The following ZKSCAN4 variants were observed in gnomAD, a reference collection of about 807,000 sequenced individuals.
ZKSCAN4 encodes the protein zinc finger with KRAB and SCAN domains 4.
A neutral mutation model predicts 30.8 loss-of-function variants in ZKSCAN4; 23 were observed. The ratio of observed to expected loss-of-function variants is 0.75; its 90% CI spans 0.54 to 1.06. ZKSCAN4 has a LOEUF of 1.06. Among genes scored for constraint, ZKSCAN4 ranks in the 50% least tolerant of loss-of-function variants. The pLI, the probability that ZKSCAN4 is intolerant of heterozygous loss-of-function variation, is 0.00. For missense variants in ZKSCAN4, 556 were observed against 665.4 expected, an observed-to-expected ratio of 0.84 and a Z score of 1.81; for synonymous variants, 208 against 252.5, an observed-to-expected ratio of 0.82 and a Z score of 1.67.
chr6:28,242,432 AT>A lies in ZKSCAN4; in HGVS notation c.*2683del. ...ATAAAGTTTCCTAGATAATATTTTGATTATAAAATATCATGGCTCCCCAGTG... is the reference window on the plus strand; with the variant it reads ...ATAAAGTTTCCTAGATAATATTTTGATATAAAATATCATGGCTCCCCAGTG... On this transcript the variant is annotated 3_prime_UTR_variant, in exon 5 of 5. Coordinates refer to ENST00000377294, the MANE Select transcript of ZKSCAN4 (RefSeq NM_019110.5). 6.6e-6 allele frequency among the ~76,000 whole-genome samples: 1 copy of A among 152,196 alleles called. No individual in the cohort carries two copies. The highest frequency in any genetic ancestry group is 1.5e-5 in the Non-Finnish European group (1 of 68,032).
At chr6:28,248,795 C>A (rs1760853769) in intron 2 of ZKSCAN4, among the ~76,000 whole-genome samples, 1 of 138,704 alleles carries the variant, frequency 7.2e-6, no homozygotes. Flanking sequence ...CACTGCACTC[C>A]AGCCTGGATA....
chr6:28,254,369 G>A (rs1761120697), upstream of ZKSCAN4, among the ~76,000 whole-genome samples: 1 of 152,200 alleles, frequency 6.6e-6, no homozygotes, highest in African/African-American at 2.4e-5. Flanking sequence ...TGAGTCACTT[G>A]GTCATGGCCA....
intron 2 of ZKSCAN4, among the ~76,000 whole-genome samples, chr6:28,248,826 CA>C (rs1208495527): frequency 0.045 from 2,302 of 51,014 alleles, 16 homozygotes; most frequent in African/African-American, 0.089. Flanking sequence ...ACCCCCATCT[CA>C]AAAAAAAAAA....
In ZKSCAN4 at chr6:28,246,993, TCTC is replaced by T. The variant is rs1255067612; in HGVS notation, c.751_753del (p.Glu251del). The stretch of plus-strand genomic sequence containing the variant: ...CCAAGGGAGACCAGGCTGCTATGGT[TCTC>T]CTGCTTTTCATCTCTGTAGAGGTTC... On this transcript the variant is annotated inframe_deletion, in exon 4 of 5. Coordinates refer to ENST00000377294, the MANE Select transcript of ZKSCAN4 (RefSeq NM_019110.5). 6.2e-7 allele frequency: 1 copy of T among 1,612,420 alleles called. No individual in the cohort carries two copies. Among genetic ancestry groups the T allele is most frequent in the Admixed American group, 1.7e-5 (1 of 59,762 alleles).
Position 28,245,504 on chromosome 6 carries a change from C to T in ZKSCAN4, c.1250G>A (p.Cys417Tyr). ...DDCGKTFSQS[C>Y]SLLEHHKIHT... Reference sequence around the variant, plus strand: ...AATTTTGTGATGTTCAAGGAGGCTGCAGCTCTGGCTGAAGGTCTTCCCACA... The same window carrying T: ...AATTTTGTGATGTTCAAGGAGGCTGTAGCTCTGGCTGAAGGTCTTCCCACA... Residue 417 changes from cysteine (C) to tyrosine (Y), a missense_variant, in exon 5 of 5, where the codon TGC (cysteine) becomes TAC (tyrosine). This residue lies in a region of ZKSCAN4 where 433 missense variants were observed against 511.5 expected (regional missense o/e 0.85). Transcript: ENST00000377294. 1 of 1,614,154 alleles carries T rather than the reference C, an allele frequency of 6.2e-7. No homozygotes were observed. Among genetic ancestry groups the T allele is most frequent in the South Asian group, 1.1e-5 (1 of 91,078 alleles).
In ZKSCAN4 at chr6:28,252,099, C is replaced by G. The variant is rs967482530; in HGVS notation, c.-119G>C. 42 of 1,132,300 alleles carry G rather than the reference C, an allele frequency of 3.7e-5. No homozygotes were observed. The highest frequency in any genetic ancestry group is 4.8e-5 in the Non-Finnish European group (39 of 807,490). The allele number at this position is 1,132,300 out of a possible 1,614,324, so 70.1% of individuals were successfully genotyped here. On this transcript the variant is annotated 5_prime_UTR_variant, in exon 1 of 5. Coordinates refer to ENST00000377294, the MANE Select transcript of ZKSCAN4 (RefSeq NM_019110.5). ...CAAGTGGTCCCCCTCCTGTCATGCC[C>G]AGGGGCCCAGGACACCCCCTGAGGC...
In ZKSCAN4 at chr6:28,242,651, A is replaced by G. The variant is rs1760536936; in HGVS notation, c.*2465T>C. ...CATCCTTTTCCTTCTCTGAATTTCT[A>G]CAAGCCTCAGTTTACCACTCATAAG... On this transcript the variant is annotated 3_prime_UTR_variant, in exon 5 of 5. Coordinates refer to ENST00000377294, the MANE Select transcript of ZKSCAN4 (RefSeq NM_019110.5). Among the ~76,000 whole-genome samples, 2 of 152,110 alleles carry G rather than the reference A, an allele frequency of 1.3e-5. No homozygotes were observed. Among genetic ancestry groups the G allele is most frequent in the African/African-American group, 2.4e-5 (1 of 41,406 alleles).
upstream of ZKSCAN4, among the ~76,000 whole-genome samples, chr6:28,252,681 C>A (rs1042623791): frequency 1.3e-5 from 2 of 152,006 alleles, no homozygotes; most frequent in African/African-American, 4.8e-5. Context: ...CTTGGTCCTT[C>A]CCCACTCACC....
chr6:28,252,165 G>A lies in ZKSCAN4; in HGVS notation c.-185C>T, dbSNP rs966026383. On this transcript the variant is annotated 5_prime_UTR_variant, in exon 1 of 5. Coordinates refer to ENST00000377294, the MANE Select transcript of ZKSCAN4 (RefSeq NM_019110.5). ...TCTCTTATAGTCCGTGCCTTTGCAG[G>A]GTCGTCCTCTGCACCCCACTCTGAA... The A allele has an allele frequency of 2.0e-6, 1 of 505,440 alleles. No homozygotes were observed. Among genetic ancestry groups the A allele is most frequent in the Admixed American group, 3.7e-5 (1 of 26,690 alleles). 31.3% of individuals were successfully genotyped at this position (505,440 alleles called of 1,614,324 possible).
Position 28,243,733 on chromosome 6 carries a change from C to T in ZKSCAN4, c.*1383G>A, listed in dbSNP as rs1490121295. ...AGGCTGGACTGCAGTGGCACCATCT[C>T]GGCTCACTGCAACCTCCACCTCCCA... is the stretch of plus-strand genomic sequence containing the variant. On this transcript the variant is annotated 3_prime_UTR_variant, in exon 5 of 5. Coordinates refer to ENST00000377294, the MANE Select transcript of ZKSCAN4 (RefSeq NM_019110.5). Among the ~76,000 whole-genome samples, 2 of 151,584 alleles carry T rather than the reference C, an allele frequency of 1.3e-5. No individual in the cohort carries two copies. Among genetic ancestry groups the T allele is most frequent in the Non-Finnish European group, 2.9e-5 (2 of 67,942 alleles).
upstream of ZKSCAN4, among the ~76,000 whole-genome samples, chr6:28,257,054 C>G (rs118139957): frequency 5.6e-3 from 849 of 152,116 alleles, 3 homozygotes; most frequent in Admixed American, 7.9e-3. Context: ...GTTATTCATC[C>G]AAAAAACAAT....
chr6:28,251,908 C>T lies in ZKSCAN4; in HGVS notation c.73G>A (p.Val25Met). The T allele has an allele frequency of 1.3e-6, 2 of 1,532,866 alleles. No individual in the cohort carries two copies. Among genetic ancestry groups the T allele is most frequent in the Non-Finnish European group, 1.7e-6 (2 of 1,145,796 alleles). 95.0% of individuals were successfully genotyped at this position (1,532,866 alleles called of 1,614,324 possible). A position where few individuals can be genotyped will look rare whatever the true frequency, so the allele number is the denominator to read the frequency against. ...GAGGCTTCCTCCTTCTCCACCTTCA[C>T]GGTCAGGAGCCCCGTCTGGTCTTCT... Reference protein sequence around the residue: ...SAEDQTGLLTVKVEKEEASAL... With the variant: ...SAEDQTGLLTMKVEKEEASAL... The change falls in exon 1 of 5, where the codon GTG becomes ATG. Residue 25 changes from valine to methionine, a missense_variant. Transcript: ENST00000377294. The surrounding 1 kb of genome is among the most constrained non-coding windows in gnomAD (Gnocchi z 4.5).
Position 28,248,164 on chromosome 6 carries a change from A to C in ZKSCAN4, c.572-15T>G, listed in dbSNP as rs1318319929. 3 of 1,608,254 alleles carry C rather than the reference A, an allele frequency of 1.9e-6. No homozygotes were observed. In the African/African-American group the frequency reaches 4.0e-5, roughly 22 times the overall value. The stretch of plus-strand genomic sequence containing the variant: ...AACCTGGAGAACTAAGAAAGAAAGA[A>C]GCTCTGGATGAGAACTACCCTAGTA... On this transcript the variant is annotated splice_polypyrimidine_tract_variant and intron_variant, in intron 2 of 4. Coordinates refer to ENST00000377294, the MANE Select transcript of ZKSCAN4 (RefSeq NM_019110.5).
chr6:28,253,912 A>G (rs1761104250), upstream of ZKSCAN4, among the ~76,000 whole-genome samples: 1 of 152,156 alleles, frequency 6.6e-6, no homozygotes, highest in African/African-American at 2.4e-5. This position sits in a 1 kb window ranked among gnomAD's most constrained non-coding sequence, Gnocchi z 4.2. Context: ...TCAGCCTCCC[A>G]AAGTGCTGGG....
chr6:28,248,914 G>C (rs1760871313), intron 2 of ZKSCAN4, among the ~76,000 whole-genome samples: 1 of 152,098 alleles, frequency 6.6e-6, no homozygotes, highest in Non-Finnish European at 1.5e-5. Context: ...ATGGAAGACT[G>C]GAAGACTGCT....
In ZKSCAN4 at chr6:28,245,961, T is replaced by A. The variant is rs781422412; in HGVS notation, c.793A>T (p.Thr265Ser). 7.4e-6 allele frequency: 12 copies of A among 1,614,190 alleles called. No individual in the cohort carries two copies. Among genetic ancestry groups the A allele is most frequent in the Non-Finnish European group, 1.0e-5 (12 of 1,180,026 alleles). ...SLVSLGGEIQ[T>S]KSRDLPPVKK... ...ACTGGAGGCAAGTCCCTGCTCTTAG[T>A]CTGTATTTCACCACCTGAAACAACA... Residue 265 changes from threonine to serine, a missense_variant, in exon 5 of 5, where the codon ACT becomes TCT. Physicochemically the swap from Thr to Ser is moderately conservative, Grantham distance 58. This residue lies in a region of ZKSCAN4 where 433 missense variants were observed against 511.5 expected (regional missense o/e 0.85). Coordinates refer to ENST00000377294, the MANE Select transcript of ZKSCAN4 (RefSeq NM_019110.5).
chr6:28,251,587 C>T lies in ZKSCAN4; in HGVS notation c.394G>A (p.Glu132Lys), dbSNP rs369493158. The T allele has an allele frequency of 2.5e-5, 40 of 1,614,100 alleles. No individual in the cohort carries two copies. Among genetic ancestry groups the T allele is most frequent in the Non-Finnish European group, 3.2e-5 (38 of 1,180,042 alleles). ...EEVVVLLEYLERQLDEPAPQV... is the reference protein window; with the variant it reads ...EEVVVLLEYLKRQLDEPAPQV... ...GGCGCCGGCTCATCCAGCTGCCTCT[C>T]CAAATACTCCAATAGCACCACCACC... is the stretch of plus-strand genomic sequence containing the variant. The change falls in exon 1 of 5, where the codon GAG (glutamate) becomes AAG (lysine). Residue 132 changes from glutamate (E) to lysine (K), a missense_variant. Glu to Lys is a moderately conservative substitution (Grantham distance 56). Transcript: ENST00000377294. The surrounding 1 kb of genome is among the most constrained non-coding windows in gnomAD (Gnocchi z 4.5).
chr6:28,255,380 C>T (rs1761147216), upstream of ZKSCAN4, among the ~76,000 whole-genome samples: 1 of 152,092 alleles, frequency 6.6e-6, no homozygotes, highest in Admixed American at 6.5e-5. Flanking sequence ...GAGAGCTTGT[C>T]CTTTTTGGGA....
rs961341161 is a variant in ZKSCAN4 at position 28,245,111 on chromosome 6, A to T, written c.*5T>A. 6 of 1,613,960 alleles carry T rather than the reference A, an allele frequency of 3.7e-6. No individual in the cohort carries two copies. In the African/African-American group the frequency reaches 8.0e-5, roughly 22 times the overall value. On this transcript the variant is annotated 3_prime_UTR_variant, in exon 5 of 5. Transcript: ENST00000377294. ...GAGCACCAATGTTGGCATGAATACC[A>T]TGGGTCACTGTGAAAGAGTTTTTTT...
Sources: gnomAD v4.1 joint callset for allele counts (sites outside exome capture counted in the v4.1 genomes callset) on GRCh38, gnomAD v4.1.1 for gene constraint, gnomAD v4.1.1 regional missense constraint, Gnocchi (gnomAD v3.1) non-coding constraint, MANE v1.5 for transcripts, NCBI Gene and HGNC (gene_info 2026-07-23, HGNC 2026-07-21) for gene names.